MYO10: variants seen among roughly 807,000 people sequenced by gnomAD.
MYO10 encodes the protein unconventional myosin-X.
In MYO10, 133 loss-of-function variants were observed where a neutral mutation model predicts 257.3. The ratio of observed to expected loss-of-function variants is 0.52; its 90% CI spans 0.45 to 0.60. MYO10 has a LOEUF of 0.60. Ranked by LOEUF, MYO10 falls within the 20% of genes least tolerant of loss-of-function variation. The probability of loss-of-function intolerance (pLI) is 0.00; values close to 1 mark genes in which losing one functional copy is unlikely to be tolerated. For missense variants in MYO10, 2,399 were observed against 2,635.7 expected (o/e 0.91, Z 1.97); for synonymous variants, 1,104 against 1,028.6 (o/e 1.07, Z -1.40).
At chr5:16,805,998 A>G (rs1050003701) in intron 3 of MYO10, among the ~76,000 whole-genome samples, 1 of 152,166 alleles carries the variant, frequency 6.6e-6, no homozygotes, top group African/African-American at 2.4e-5. Flanking sequence ...ATGCATATGT[A>G]TATCAAAATA....
rs535786392 is a variant in MYO10, at chr5:16,851,928, G to A, written c.120+25681C>T. Among the ~76,000 whole-genome samples, 4 of 151,906 alleles carry A rather than the reference G, an allele frequency of 2.6e-5. No homozygotes were observed. In the South Asian group the frequency reaches 8.3e-4, roughly 32 times the overall value. ...TAGCTGGGCATGGTGGCAAGTGCCT[G>A]TAATCCCAGCTACTCAGGAGGCTGA... On this transcript the variant is annotated intron_variant, in intron 2 of 40. Coordinates refer to ENST00000513610, the MANE Select transcript of MYO10 (RefSeq NM_012334.3).
intron 9 of MYO10, among the ~76,000 whole-genome samples, chr5:16,769,910 A>AGAGG (rs1207986732): frequency 6.6e-6 from 1 of 151,876 alleles, no homozygotes; most frequent in Non-Finnish European, 1.5e-5. Context: ...GAGTACTTGG[A>AGAGG]GAGGGGGTGT....
At chr5:16,767,948 GAT>G (rs1445901807) in intron 10 of MYO10, among the ~76,000 whole-genome samples, 1 of 152,042 alleles carries the variant, frequency 6.6e-6, no homozygotes, top group Non-Finnish European at 1.5e-5. Context: ...AAAGTGCTAG[GAT>G]TACAGGCATG....
At chr5:16,894,892 T>C (rs1205044811) in intron 1 of MYO10, among the ~76,000 whole-genome samples, 1 of 152,192 alleles carries the variant, frequency 6.6e-6, no homozygotes, top group Non-Finnish European at 1.5e-5. Context: ...ATTAGCCAAG[T>C]GCCAGTGTAG....
intron 1 of MYO10, among the ~76,000 whole-genome samples, chr5:16,882,418 T>C (rs1243648323): frequency 6.6e-6 from 1 of 152,168 alleles, no homozygotes; most frequent in Admixed American, 6.5e-5. Context: ...CCTAGTTGTT[T>C]ACTCAAAAAA....
At chr5:16,759,276 A>T (rs1373773661) in intron 17 of MYO10, among the ~76,000 whole-genome samples, 1 of 152,096 alleles carries the variant, frequency 6.6e-6, no homozygotes, top group Non-Finnish European at 1.5e-5. Flanking sequence ...TGGGCTATGG[A>T]GCTGGTGGGG....
intron 3 of MYO10, among the ~76,000 whole-genome samples, chr5:16,809,834 G>C (rs1742381415): frequency 6.6e-6 from 1 of 152,130 alleles, no homozygotes; most frequent in Non-Finnish European, 1.5e-5. Context: ...AAAAGGCTGG[G>C]TGGAACAGGG....
intron 4 of MYO10, among the ~76,000 whole-genome samples, chr5:16,792,157 A>AGAGAGAGAGG (rs1560987026): frequency 6.2e-5 from 9 of 144,276 alleles, no homozygotes; most frequent in African/African-American, 2.3e-4. Context: ...AGAGAGAGAG[A>AGAGAGAGAGG]GAGAGAGGGA....
At chr5:16,733,877 C>T (rs972664422) in intron 19 of MYO10, among the ~76,000 whole-genome samples, 1 of 152,070 alleles carries the variant, frequency 6.6e-6, no homozygotes, top group African/African-American at 2.4e-5. Flanking sequence ...GCAGCATCCA[C>T]GTCCAGGCAG....
chr5:16,857,768 TAAC>T (rs1156763547), intron 2 of MYO10, among the ~76,000 whole-genome samples: 1 of 152,202 alleles, frequency 6.6e-6, no homozygotes, highest in African/African-American at 2.4e-5. Flanking sequence ...CAATTGGGCT[TAAC>T]AACAGACTCA....
At chr5:16,916,263 T>C (rs1745813919) in intron 1 of MYO10, 4 of 391,622 alleles carry the variant, frequency 1.0e-5, no homozygotes, top group East Asian at 7.3e-5. Flanking sequence ...TGCAGACTCG[T>C]GTTCTAACAA....
intron 16 of MYO10, 61 bp downstream of exon 16, chr5:16,761,984 C>A: frequency 6.9e-7 from 1 of 1,452,266 alleles, no homozygotes; most frequent in South Asian, 1.4e-5. Flanking sequence ...GCTTCTGAAA[C>A]CACTGTTTTC....
chr5:16,782,279 C>T (rs1042746666), intron 5 of MYO10, among the ~76,000 whole-genome samples: 6 of 152,044 alleles, frequency 3.9e-5, no homozygotes, highest in Non-Finnish European at 5.9e-5. Flanking sequence ...GATCAGGGGC[C>T]GGCAAACTTT....
intron 19 of MYO10, among the ~76,000 whole-genome samples, chr5:16,739,993 G>GA (rs1176751862): frequency 2.6e-5 from 4 of 152,166 alleles, no homozygotes; most frequent in Non-Finnish European, 4.4e-5. Context: ...ACTTGCCGGA[G>GA]AAAAAAACAA....
chr5:16,902,427 T>C (rs61742953), intron 1 of MYO10: 13 of 1,218,808 alleles, frequency 1.1e-5, no homozygotes, highest in African/African-American at 1.5e-5. Context: ...CAGACAGTAA[T>C]GTAACTTCAC....
chr5:16,904,644 G>A (rs905538981), intron 1 of MYO10, among the ~76,000 whole-genome samples: 1 of 152,200 alleles, frequency 6.6e-6, no homozygotes, highest in African/African-American at 2.4e-5. Flanking sequence ...GCAGTGTGTT[G>A]TGAGGCTGGG....
At chr5:16,929,560 C>A (rs2126807579) in intron 1 of MYO10, among the ~76,000 whole-genome samples, 1 of 152,250 alleles carries the variant, frequency 6.6e-6, no homozygotes, top group South Asian at 2.1e-4. Context: ...AGTTACTTAA[C>A]CTCTCTGTGC....
chr5:16,678,005 C>T (rs1238811583), intron 33 of MYO10, among the ~76,000 whole-genome samples: 3 of 151,918 alleles, frequency 2.0e-5, no homozygotes, highest in Admixed American at 2.0e-4. Context: ...AGGTGATCCA[C>T]CCACCTCAGC....
intron 9 of MYO10, 33 bp from the exon 10 acceptor site, chr5:16,769,236 C>T (rs769519643): frequency 2.1e-5 from 33 of 1,548,458 alleles, no homozygotes; most frequent in African/African-American, 4.2e-5. Context: ...AATTTTATGT[C>T]GTTTTTTCAC....
Sources: allele counts gnomAD v4.1 joint callset (sites outside exome capture counted in the v4.1 genomes callset), GRCh38; gene constraint gnomAD v4.1.1; transcripts MANE v1.5; gene names NCBI Gene and HGNC (gene_info 2026-07-23, HGNC 2026-07-21).